Variants in ORC2 observed in about 807,000 individuals in gnomAD.
ORC2 encodes the protein origin recognition complex subunit 2.
Under a neutral mutation model 77.7 loss-of-function variants are expected in ORC2, and 37 were observed. That is an observed-to-expected ratio of 0.48 (90% confidence interval 0.37 to 0.63). The LOEUF (loss-of-function observed/expected upper bound fraction) is 0.63. Ranked by LOEUF, ORC2 falls within the 20% of genes least tolerant of loss-of-function variation. The pLI is 0.00. For missense variants in ORC2, 557 were observed against 661.9 expected, an observed-to-expected ratio of 0.84 and a Z score of 1.74; for synonymous variants, 201 against 229.5, an observed-to-expected ratio of 0.88 and a Z score of 1.12.
intron 7 of ORC2, among the ~76,000 whole-genome samples, chr2:200,939,218 TTC>T (rs1477456659): frequency 1.3e-5 from 2 of 152,084 alleles, no homozygotes; most frequent in Non-Finnish European, 2.9e-5. Flanking sequence ...AAATTTAAAA[TTC>T]TGTTCTACTT....
At chr2:200,924,795 A>G (rs2124955397) in intron 13 of ORC2, among the ~76,000 whole-genome samples, 1 of 152,308 alleles carries the variant, frequency 6.6e-6, no homozygotes, top group African/African-American at 2.4e-5. Flanking sequence ...GTCTCACTCT[A>G]TCACCCAGGG....
chr2:200,930,782 ATTC>A (rs2040925854), intron 11 of ORC2, among the ~76,000 whole-genome samples: 1 of 151,962 alleles, frequency 6.6e-6, no homozygotes. Flanking sequence ...GATTTCAATC[ATTC>A]TTCTAGGTGT....
intron 4 of ORC2, among the ~76,000 whole-genome samples, chr2:200,954,355 T>C (rs1408887247): frequency 6.6e-6 from 1 of 152,170 alleles, no homozygotes; most frequent in Admixed American, 6.5e-5. Context: ...TTTAGGAAAA[T>C]GTAACTATGA....
At chr2:200,913,250 T>A in intron 17 of ORC2, 45 bp downstream of exon 17, 1 of 1,408,484 alleles carries the variant, frequency 7.1e-7, no homozygotes, top group Non-Finnish European at 9.8e-7. Context: ...AAGTAAATGA[T>A]ACGGACTATT....
intron 12 of ORC2, 72 bp from the exon 13 acceptor site, chr2:200,926,004 C>A (rs951100826): frequency 1.6e-6 from 1 of 628,634 alleles, no homozygotes; most frequent in Non-Finnish European, 2.7e-6. Context: ...AAAATCAAAC[C>A]TTTTTTTATA....
At chr2:200,953,484 A>G (rs1291133306) in intron 4 of ORC2, among the ~76,000 whole-genome samples, 1 of 151,568 alleles carries the variant, frequency 6.6e-6, no homozygotes, top group East Asian at 1.9e-4. Flanking sequence ...TGTACACTGT[A>G]GGTTGATATG....
intron 1 of ORC2, 122 bp downstream of exon 1, chr2:200,963,368 T>C (rs895348297): frequency 1.3e-5 from 5 of 398,110 alleles, no homozygotes; most frequent in Non-Finnish European, 2.2e-5. Flanking sequence ...AGTCCTGAGA[T>C]GCGCGACTTG....
intron 15 of ORC2, among the ~76,000 whole-genome samples, chr2:200,917,348 G>T (rs943668480): frequency 1.3e-5 from 2 of 151,938 alleles, no homozygotes; most frequent in African/African-American, 2.4e-5. Context: ...TAGAGATGGG[G>T]TCTACGTTGC....
intron 4 of ORC2, among the ~76,000 whole-genome samples, chr2:200,953,649 C>T (rs1478101449): frequency 6.6e-6 from 1 of 152,130 alleles, no homozygotes; most frequent in African/African-American, 2.4e-5. Flanking sequence ...ATGTTCATAG[C>T]AGCATCATTC....
At chr2:200,942,001 CA>C (rs1227985323) in intron 6 of ORC2, among the ~76,000 whole-genome samples, 3 of 136,986 alleles carry the variant, frequency 2.2e-5, no homozygotes, top group Non-Finnish European at 4.7e-5. Context: ...GACTCCTTCT[CA>C]AAAAAAAAGA....
chr2:200,930,862 A>C (rs1019682576), intron 11 of ORC2, among the ~76,000 whole-genome samples: 6 of 152,194 alleles, frequency 3.9e-5, no homozygotes, highest in Non-Finnish European at 7.3e-5. Flanking sequence ...ATATTCTAGG[A>C]AATAATGTTA....
At chr2:200,933,227 T>C (rs1339754661) in intron 10 of ORC2, among the ~76,000 whole-genome samples, 2 of 132,498 alleles carry the variant, frequency 1.5e-5, no homozygotes, top group East Asian at 4.1e-4. Flanking sequence ...CTGTATGGTA[T>C]TTTTTTTTTT....
At chr2:200,943,314 T>C (rs1307040469) in intron 5 of ORC2, among the ~76,000 whole-genome samples, 2 of 152,076 alleles carry the variant, frequency 1.3e-5, no homozygotes, top group Non-Finnish European at 2.9e-5. Flanking sequence ...CGAGAATAAA[T>C]GGAATAGTGG....
chr2:200,911,226 CACA>C lies in ORC2; in HGVS notation c.*72_*74del. The C allele has an allele frequency of 1.2e-6, 1 of 860,074 alleles. No homozygotes were observed. The highest frequency in any genetic ancestry group is 2.0e-6 in the Non-Finnish European group (1 of 511,150). 53.3% of individuals were successfully genotyped at this position (860,074 alleles called of 1,614,324 possible). ...AAAATAATTTAATGTCAGATGTAAACACAACACTTTCAACTAGAGGAGTGGCAG... is the reference window on the plus strand; with the variant it reads ...AAAATAATTTAATGTCAGATGTAAACACACTTTCAACTAGAGGAGTGGCAG... On this transcript the variant is annotated 3_prime_UTR_variant, in exon 18 of 18. Coordinates refer to ENST00000234296, the MANE Select transcript of ORC2 (RefSeq NM_006190.5).
At chr2:200,913,669 T>G in intron 16 of ORC2, 2 of 1,262,490 alleles carry the variant, frequency 1.6e-6, no homozygotes, top group Non-Finnish European at 2.0e-6. Flanking sequence ...AAATATGTAC[T>G]TGGCAGATAC....
intron 4 of ORC2, among the ~76,000 whole-genome samples, chr2:200,955,945 C>T (rs977293783): frequency 1.3e-5 from 2 of 152,212 alleles, no homozygotes; most frequent in Non-Finnish European, 2.9e-5. Context: ...ACACATAATA[C>T]CAGCATCCCT....
Position 200,911,019 on chromosome 2 carries a change from C to T in ORC2, c.*282G>A. On this transcript the variant is annotated 3_prime_UTR_variant, in exon 18 of 18. Coordinates refer to ENST00000234296, the MANE Select transcript of ORC2 (RefSeq NM_006190.5). ...AAAATAATTCAAAAACATCCAGTTC[C>T]AAATAGTCCCTGAGCACACTGTTCA... 1 of 265,132 alleles carries T rather than the reference C, an allele frequency of 3.8e-6. No homozygotes were observed. The highest frequency in any genetic ancestry group is 7.2e-6 in the Non-Finnish European group (1 of 138,618). 16.4% of individuals were successfully genotyped at this position (265,132 alleles called of 1,614,324 possible).
chr2:200,920,396 A>G lies in ORC2; in HGVS notation c.1295-3T>C, dbSNP rs762252940. ...ACTCTGCTTTGCATGATCCCACACTAGCACATGATCAAAGAAAACAAGAAT... is the reference window on the plus strand; with the variant it reads ...ACTCTGCTTTGCATGATCCCACACTGGCACATGATCAAAGAAAACAAGAAT... On this transcript the variant is annotated splice_polypyrimidine_tract_variant and splice_region_variant and intron_variant, in intron 14 of 17. Coordinates refer to ENST00000234296, the MANE Select transcript of ORC2 (RefSeq NM_006190.5). 2.0e-6 allele frequency: 3 copies of G among 1,527,750 alleles called. No individual in the cohort carries two copies. The highest frequency in any genetic ancestry group is 2.6e-6 in the Non-Finnish European group (3 of 1,133,438). 94.6% of individuals were successfully genotyped at this position (1,527,750 alleles called of 1,614,324 possible).
At chr2:200,952,553 G>A (rs2041381925) in intron 4 of ORC2, among the ~76,000 whole-genome samples, 1 of 152,060 alleles carries the variant, frequency 6.6e-6, no homozygotes, top group South Asian at 2.1e-4. Flanking sequence ...GAGCCACCGC[G>A]CCCGGCCTAT....
Sources: allele counts gnomAD v4.1 joint callset (sites outside exome capture counted in the v4.1 genomes callset), GRCh38; gene constraint gnomAD v4.1.1; transcripts MANE v1.5; gene names NCBI Gene and HGNC (gene_info 2026-07-23, HGNC 2026-07-21).